ANXA2: variants seen among roughly 807,000 people sequenced by gnomAD.
ANXA2 encodes annexin II.
A neutral mutation model predicts 47.3 loss-of-function variants in ANXA2; 28 were observed. That is an observed-to-expected ratio of 0.59 (90% CI 0.44 to 0.81). The LOEUF (loss-of-function observed/expected upper bound fraction) is 0.81. Among genes scored for constraint, ANXA2 ranks in the 40% least tolerant of loss-of-function variants. ANXA2 has a pLI of 0.00. For missense variants in ANXA2, 384 were observed against 414.3 expected, an observed-to-expected ratio of 0.93 and a Z score of 0.64; for synonymous variants, 172 against 155.5, an observed-to-expected ratio of 1.11 and a Z score of -0.79.
At chr15:60,385,025 T>C (rs112627974) in intron 2 of ANXA2, among the ~76,000 whole-genome samples, 6 of 152,220 alleles carry the variant, frequency 3.9e-5, no homozygotes, top group African/African-American at 9.7e-5. Context: ...CTAAAAGTAT[T>C]TGAAATAATT....
intron 11 of ANXA2, among the ~76,000 whole-genome samples, chr15:60,350,123 GGA>G (rs1895937774): frequency 3.6e-5 from 2 of 55,130 alleles, no homozygotes; most frequent in Non-Finnish European, 7.9e-5. Context: ...GGGAGGGAGG[GGA>G]AGGCAGGGAG....
chr15:60,382,290 CA>C, intron 3 of ANXA2, 51 bp downstream of exon 3: 4 of 1,436,142 alleles, frequency 2.8e-6, no homozygotes, highest in Non-Finnish European at 3.9e-6. Context: ...AAGAGACAAC[CA>C]AAAATGTCTC....
chr15:60,370,267 C>G (rs2062694216), intron 3 of ANXA2, among the ~76,000 whole-genome samples: 1 of 152,156 alleles, frequency 6.6e-6, no homozygotes, highest in African/African-American at 2.4e-5. Flanking sequence ...CTGTTTCTGC[C>G]AGCAGAAGAT....
chr15:60,382,621 A>G (rs1027649000), intron 2 of ANXA2, 180 bp from the exon 3 acceptor site: 2 of 471,540 alleles, frequency 4.2e-6, no homozygotes, highest in Admixed American at 3.4e-5. Flanking sequence ...ATTTTTTCTA[A>G]TAAGAATTCT....
intron 11 of ANXA2, among the ~76,000 whole-genome samples, chr15:60,350,653 G>C (rs547601210): frequency 1.3e-5 from 2 of 152,150 alleles, no homozygotes; most frequent in Non-Finnish European, 2.9e-5. Flanking sequence ...GAGGTGGTTC[G>C]TTTAGGGAAG....
intron 1 of ANXA2, chr15:60,393,049 C>G (rs1319805413): frequency 2.7e-5 from 35 of 1,286,762 alleles, no homozygotes; most frequent in Non-Finnish European, 3.5e-5. Flanking sequence ...TTTTTGAAAG[C>G]AGATATTCTT....
intron 12 of ANXA2, among the ~76,000 whole-genome samples, chr15:60,348,541 G>A (rs1057221788): frequency 2.9e-4 from 44 of 152,078 alleles, no homozygotes; most frequent in African/African-American, 1.0e-3. Context: ...TCAGGAGATC[G>A]AGACCATCCT....
intron 1 of ANXA2, among the ~76,000 whole-genome samples, chr15:60,396,980 T>A (rs8033800): frequency 0.55 from 84,003 of 152,128 alleles, 24,564 homozygotes; most frequent in East Asian, 0.83. Context: ...ATGACTGTGT[T>A]TTTTGAAATC....
intron 4 of ANXA2, among the ~76,000 whole-genome samples, chr15:60,363,205 C>T (rs1336591499): frequency 6.6e-6 from 1 of 152,150 alleles, no homozygotes; most frequent in Admixed American, 6.5e-5. Context: ...CTCACAGACC[C>T]CTTTGGGAAG....
At chr15:60,377,024 T>C (rs1286327436) in intron 3 of ANXA2, among the ~76,000 whole-genome samples, 1 of 152,278 alleles carries the variant, frequency 6.6e-6, no homozygotes, top group Admixed American at 6.5e-5. Flanking sequence ...CACATGGTCC[T>C]CTGGCTTTTG....
chr15:60,349,256 T>TC, intron 11 of ANXA2, 59 bp from the exon 12 acceptor site: 2 of 1,592,212 alleles, frequency 1.3e-6, no homozygotes, highest in Admixed American at 3.4e-5. Context: ...AAAGAAAGCG[T>TC]CTACAGGTTG....
At chr15:60,395,236 T>G (rs2063066110) in intron 1 of ANXA2, among the ~76,000 whole-genome samples, 1 of 152,208 alleles carries the variant, frequency 6.6e-6, no homozygotes, top group South Asian at 2.1e-4. Context: ...TCCTTCTCTC[T>G]CCGCCAGATT....
chr15:60,382,565 A>C (rs2062877484), intron 2 of ANXA2, 124 bp from the exon 3 acceptor site: 6 of 653,714 alleles, frequency 9.2e-6, no homozygotes, highest in Non-Finnish European at 1.6e-5. Flanking sequence ...ATACTAGGTA[A>C]CTAGGTAGGT....
At chr15:60,382,255 A>G (rs2062871716) in intron 3 of ANXA2, 87 bp downstream of exon 3, 1 of 1,002,854 alleles carries the variant, frequency 1.0e-6, no homozygotes, top group Admixed American at 1.8e-5. Flanking sequence ...CAAATCGCCA[A>G]CGTATGGCGA....
chr15:60,393,576 C>T (rs1217332191), intron 1 of ANXA2: 2 of 985,470 alleles, frequency 2.0e-6, no homozygotes, highest in African/African-American at 3.5e-5. Context: ...ACTGTTAACT[C>T]TTCTCCAAAC....
chr15:60,359,270 C>T (rs577890023), intron 5 of ANXA2, among the ~76,000 whole-genome samples: 3 of 152,210 alleles, frequency 2.0e-5, no homozygotes, highest in South Asian at 4.2e-4. Flanking sequence ...TTTCAAGTCC[C>T]TAATACCTAG....
chr15:60,360,039 C>G (rs557368403), intron 5 of ANXA2, among the ~76,000 whole-genome samples: 1 of 152,278 alleles, frequency 6.6e-6, no homozygotes, highest in South Asian at 2.1e-4. Context: ...GGCAGATCAC[C>G]TGAGGTCGGG....
intron 1 of ANXA2, chr15:60,387,197 C>G (rs1190469165): frequency 6.6e-6 from 1 of 152,148 alleles, no homozygotes; most frequent in African/African-American, 2.4e-5. Flanking sequence ...GAGGATTCGC[C>G]TTTAGTTGTG....
intron 4 of ANXA2, 51 bp downstream of exon 4, chr15:60,364,378 G>A: frequency 2.0e-6 from 3 of 1,474,340 alleles, no homozygotes; most frequent in African/African-American, 1.4e-5. Flanking sequence ...CAATGTCTGA[G>A]GAAACAAAAA....
Sources: gnomAD v4.1 joint callset for allele counts (sites outside exome capture counted in the v4.1 genomes callset) on GRCh38, gnomAD v4.1.1 for gene constraint, MANE v1.5 for transcripts, NCBI Gene and HGNC (gene_info 2026-07-23, HGNC 2026-07-21) for gene names.